The following SPRY3 variants were observed in gnomAD, a reference collection of about 807,000 sequenced individuals.
SPRY3 encodes protein sprouty homolog 3.
In SPRY3, 15 loss-of-function variants were observed where a neutral mutation model predicts 20.2. The ratio of observed to expected loss-of-function variants is 0.74; its 90% CI spans 0.50 to 1.14. The LOEUF (loss-of-function observed/expected upper bound fraction) is 1.14. SPRY3 is among the 50% of genes most tolerant of loss of function. The pLI is 0.00. For missense variants in SPRY3, 364 were observed against 363.9 expected (o/e 1.00, Z 0.00); for synonymous variants, 143 against 136.5 (o/e 1.05, Z -0.33).
intron 1 of SPRY3, among the ~76,000 whole-genome samples, chrX:155,637,052 G>T (rs1304459889): frequency 1.6e-5 from 1 of 62,325 alleles, no homozygotes. Flanking sequence ...GGGGAGGGGG[G>T]AGGGATAGCA....
At chrX:155,759,615 A>G (rs2091296476) in intron 2 of SPRY3, among the ~76,000 whole-genome samples, 1 of 152,180 alleles carries the variant, frequency 6.6e-6, no homozygotes, top group Non-Finnish European at 1.5e-5. Flanking sequence ...AGCCTGGTAC[A>G]AAGCTGTCCC....
At chrX:155,639,047 C>T (rs1786335340) in intron 1 of SPRY3, among the ~76,000 whole-genome samples, 1 of 111,735 alleles carries the variant, frequency 8.9e-6, no homozygotes. Flanking sequence ...TTTGTCCCTA[C>T]TGGACTAAGC....
At chrX:155,771,011 C>A (rs2124001748) in intron 3 of SPRY3, among the ~76,000 whole-genome samples, 1 of 152,232 alleles carries the variant, frequency 6.6e-6, no homozygotes, top group African/African-American at 2.4e-5. Flanking sequence ...ATCCCAGAGT[C>A]CATTTGAATA....
intron 2 of SPRY3, among the ~76,000 whole-genome samples, chrX:155,707,839 T>G: frequency 1.3e-5 from 2 of 151,398 alleles, no homozygotes; most frequent in Admixed American, 1.3e-4. Context: ...AAATAGCATA[T>G]AGTTGGATTT....
At chrX:155,714,542 C>A (rs773206308) in intron 2 of SPRY3, among the ~76,000 whole-genome samples, 11 of 152,264 alleles carry the variant, frequency 7.2e-5, no homozygotes, top group African/African-American at 2.6e-4. Flanking sequence ...CTGTGTTGAG[C>A]CACCTGGAAC....
chrX:155,627,547 C>T lies in SPRY3; in HGVS notation c.-441+14900C>T, dbSNP rs1048443637. ...ATCTTGGCTATTGTGAATAGTGCTG[C>T]GATAAACATGGGTATGCAGATATCT... On this transcript the variant is annotated intron_variant, in intron 1 of 3. Transcript: ENST00000675360. Among the ~76,000 whole-genome samples the T allele has an allele frequency of 1.6e-4, 18 of 111,719 alleles. No individual in the cohort carries two copies. In the East Asian group the frequency reaches 1.7e-3, roughly 10 times the overall value.
intron 2 of SPRY3, among the ~76,000 whole-genome samples, chrX:155,713,423 T>A (rs1458697038): frequency 6.6e-6 from 1 of 152,130 alleles, no homozygotes; most frequent in Admixed American, 6.6e-5. Flanking sequence ...TCAGCTTTTG[T>A]TTGTCTGGGA....
intron 2 of SPRY3, among the ~76,000 whole-genome samples, chrX:155,710,248 T>C (rs985519849): frequency 1.3e-5 from 2 of 151,860 alleles, no homozygotes; most frequent in African/African-American, 2.4e-5. Flanking sequence ...TAGATTGCTT[T>C]GGGTAGTATG....
intron 2 of SPRY3, among the ~76,000 whole-genome samples, chrX:155,720,627 A>G (rs1184012268): frequency 1.3e-5 from 2 of 152,176 alleles, no homozygotes; most frequent in African/African-American, 4.8e-5. Flanking sequence ...TATTTGAGAA[A>G]GTAAGGGAGA....
intron 2 of SPRY3, 58 bp from the exon 2 acceptor site, chrX:155,767,904 T>C (rs1391604510): frequency 1.3e-5 from 2 of 151,554 alleles, no homozygotes; most frequent in Non-Finnish European, 2.9e-5. Flanking sequence ...CTCCCCCGTT[T>C]TTTTGTTTTG....
intron 2 of SPRY3, among the ~76,000 whole-genome samples, chrX:155,738,095 A>G (rs2091180835): frequency 2.0e-5 from 3 of 152,174 alleles, no homozygotes; most frequent in Admixed American, 2.0e-4. Flanking sequence ...TTTGGAAGTA[A>G]ACATAGGATA....
In SPRY3 at chrX:155,620,640, T is replaced by C. The variant is rs138710196; in HGVS notation, c.-441+7993T>C. 9.9e-3 allele frequency among the ~76,000 whole-genome samples: 1,101 copies of C among 111,566 alleles called. 11 individuals carry two copies. Among genetic ancestry groups the C allele is most frequent in the Non-Finnish European group, 0.017 (889 of 53,025 alleles). ...TAGAAATTCCAAAATTAAATTATGC[T>C]GGTAGAAAGTAGAATAATGGTTTCC... On this transcript the variant is annotated intron_variant, in intron 1 of 3. Transcript: ENST00000675360.
intron 2 of SPRY3, among the ~76,000 whole-genome samples, chrX:155,741,325 C>G (rs1485433756): frequency 6.6e-6 from 1 of 152,092 alleles, no homozygotes; most frequent in African/African-American, 2.4e-5. Flanking sequence ...AGGGAACAAA[C>G]AAAACCTCCA....
chrX:155,625,384 AT>A (rs782766354), intron 1 of SPRY3, among the ~76,000 whole-genome samples: 8 of 111,732 alleles, frequency 7.2e-5, no homozygotes, highest in Non-Finnish European at 9.4e-5. Flanking sequence ...GGATGTACCT[AT>A]AAAAGATAAA....
chrX:155,774,593 C>T (rs1223189334), exon 4 of SPRY3: 1 of 1,613,996 alleles, frequency 6.2e-7, no homozygotes, highest in Non-Finnish European at 8.5e-7. Context: ...TACCTGCCTA[C>T]CCGTGGATGC....
At chrX:155,749,427 T>C (rs1361664687) in intron 2 of SPRY3, among the ~76,000 whole-genome samples, 1 of 151,744 alleles carries the variant, frequency 6.6e-6, no homozygotes, top group Non-Finnish European at 1.5e-5. Flanking sequence ...ACGTATTATA[T>C]AGATAGAGTG....
chrX:155,630,765 T>A (rs1557350432), intron 1 of SPRY3, among the ~76,000 whole-genome samples: 1 of 111,335 alleles, frequency 9.0e-6, no homozygotes, highest in Non-Finnish European at 1.9e-5. Context: ...TATATCTTTC[T>A]CCAGATTTGG....
At chrX:155,735,021 A>G (rs1157739551) in intron 2 of SPRY3, among the ~76,000 whole-genome samples, 1 of 151,830 alleles carries the variant, frequency 6.6e-6, no homozygotes, top group South Asian at 2.1e-4. Flanking sequence ...TGCTTTTGCT[A>G]CATTCTGAAA....
chrX:155,771,489 A>G (rs938279744), intron 3 of SPRY3, among the ~76,000 whole-genome samples: 6 of 152,172 alleles, frequency 3.9e-5, no homozygotes, highest in Admixed American at 6.5e-5. Context: ...TGGGAAATCA[A>G]TTAGTCTAAA....
Sources: allele counts gnomAD v4.1 joint callset (sites outside exome capture counted in the v4.1 genomes callset), GRCh38; gene constraint gnomAD v4.1.1; transcripts MANE v1.5; gene names NCBI Gene and HGNC (gene_info 2026-07-23, HGNC 2026-07-21).